BMPR2: variants seen among roughly 807,000 people sequenced by gnomAD.
BMPR2 encodes the protein bone morphogenetic protein receptor type 2.
BMPR2 carries 29 observed loss-of-function variants against 100.8 expected under a neutral mutation model. That is an observed-to-expected ratio of 0.29 (90% CI 0.21 to 0.39). The LOEUF is 0.39. BMPR2 is among the 10% of genes least tolerant of loss of function. The pLI is 1.00. For synonymous variants in BMPR2, 382 were observed against 442.3 expected (o/e 0.86, Z 1.71); for missense variants, 1,011 against 1,274.5 (o/e 0.79, Z 3.15).
chr2:202,477,128 C>G (rs1692566707), intron 3 of BMPR2, among the ~76,000 whole-genome samples: 1 of 152,126 alleles, frequency 6.6e-6, no homozygotes, highest in African/African-American at 2.4e-5. Flanking sequence ...CTCTGTGCAT[C>G]AATTACTTCA....
intron 1 of BMPR2, among the ~76,000 whole-genome samples, chr2:202,439,679 T>A (rs1221053771): frequency 6.7e-6 from 1 of 150,178 alleles, no homozygotes. Flanking sequence ...TCGTTCCTGA[T>A]CTTCGAAGGA....
At chr2:202,411,046 T>C (rs1299413940) in intron 1 of BMPR2, among the ~76,000 whole-genome samples, 2 of 152,176 alleles carry the variant, frequency 1.3e-5, no homozygotes, top group African/African-American at 4.8e-5. Context: ...GCGATCTCCA[T>C]GGCAGGTTCT....
chr2:202,521,843 A>T (rs1687823990), intron 7 of BMPR2, among the ~76,000 whole-genome samples: 2 of 152,166 alleles, frequency 1.3e-5, no homozygotes, highest in African/African-American at 4.8e-5. Context: ...AAAGAAAAAA[A>T]TATAACAGGA....
intron 3 of BMPR2, among the ~76,000 whole-genome samples, chr2:202,474,492 A>G (rs1045824449): frequency 3.9e-5 from 6 of 152,086 alleles, no homozygotes; most frequent in Non-Finnish European, 8.8e-5. Context: ...AAAACAAAAA[A>G]GTGGGTAGTG....
chr2:202,556,312 G>A lies in BMPR2; in HGVS notation c.2647G>A (p.Val883Ile). Residue 883 changes from valine (V) to isoleucine (I), a missense_variant, in exon 12 of 13, where the codon GTT (valine) becomes ATT (isoleucine). Physicochemically the swap from Val to Ile is conservative, Grantham distance 29. Around this residue, in one of 6 missense-constraint regions of BMPR2, gnomAD observed 508 missense variants for 552.0 expected, o/e 0.92. Coordinates refer to ENST00000374580, the MANE Select transcript of BMPR2 (RefSeq NM_001204.7). Reference sequence around the variant, plus strand: ...GCAACAAGCTGGCCATGATGAAGGTGTTCTGGATCGTCTTGTGGACAGGAG... The same window carrying A: ...GCAACAAGCTGGCCATGATGAAGGTATTCTGGATCGTCTTGTGGACAGGAG... ...REQQAGHDEGVLDRLVDRRER... is the reference protein window; with the variant it reads ...REQQAGHDEGILDRLVDRRER... The A allele has an allele frequency of 1.2e-6, 2 of 1,614,228 alleles. No individual in the cohort carries two copies. Among genetic ancestry groups the A allele is most frequent in the Admixed American group, 1.7e-5 (1 of 60,032 alleles).
intron 3 of BMPR2, among the ~76,000 whole-genome samples, chr2:202,469,205 T>C (rs1466342323): frequency 2.0e-5 from 3 of 151,982 alleles, no homozygotes; most frequent in African/African-American, 7.2e-5. Context: ...ATTTTGTATT[T>C]TTAGTAGAGA....
chr2:202,385,790 A>G (rs911944721), intron 1 of BMPR2, among the ~76,000 whole-genome samples: 18 of 151,446 alleles, frequency 1.2e-4, no homozygotes, highest in African/African-American at 4.4e-4. Flanking sequence ...TCATTTTTTC[A>G]TAATTGTGTG....
At chr2:202,515,027 G>C (rs1410481427) in intron 5 of BMPR2, 48 bp downstream of exon 5, 1 of 1,468,462 alleles carries the variant, frequency 6.8e-7, no homozygotes, top group African/African-American at 1.4e-5. Context: ...TGTGATACTA[G>C]ACCTGGAACA....
chr2:202,525,144 T>A (rs1357672810), intron 7 of BMPR2, among the ~76,000 whole-genome samples: 2 of 152,170 alleles, frequency 1.3e-5, no homozygotes, highest in Non-Finnish European at 2.9e-5. Flanking sequence ...TCATTAATTT[T>A]TTTAATTTTT....
At chr2:202,439,761 T>A (rs545114342) in intron 1 of BMPR2, among the ~76,000 whole-genome samples, 4 of 149,240 alleles carry the variant, frequency 2.7e-5, no homozygotes, top group Admixed American at 1.3e-4. Context: ...TCTTTTTTTT[T>A]AGTATTTATT....
rs1192299984 is a variant in BMPR2, at chr2:202,532,779, A to G, written c.1276+47A>G. 2 of 1,587,556 alleles carry G rather than the reference A, an allele frequency of 1.3e-6. No individual in the cohort carries two copies. The highest frequency in any genetic ancestry group is 1.7e-5 in the Admixed American group (1 of 59,898). ...TGATATTTTTTGAAGTGAAGCAGTT[A>G]TATCTTCTTTCTCTACCTATAGTAC... On this transcript the variant is annotated intron_variant, in intron 9 of 12. Transcript: ENST00000374580. The surrounding 1 kb of genome is among the most constrained non-coding windows in gnomAD (Gnocchi z 4.1).
At chr2:202,485,221 T>C (rs551465179) in intron 3 of BMPR2, among the ~76,000 whole-genome samples, 1 of 152,208 alleles carries the variant, frequency 6.6e-6, no homozygotes, top group South Asian at 2.1e-4. Context: ...TGTTTAGTGA[T>C]CCTAAGTATG....
At chr2:202,417,495 G>A (rs1691158834) in intron 1 of BMPR2, among the ~76,000 whole-genome samples, 1 of 151,854 alleles carries the variant, frequency 6.6e-6, no homozygotes, top group African/African-American at 2.4e-5. Flanking sequence ...TAGAGACAGG[G>A]TTTCTCCATG....
chr2:202,552,619 G>GT (rs1340756866), intron 10 of BMPR2, 97 bp from the exon 11 acceptor site: 8 of 1,254,222 alleles, frequency 6.4e-6, no homozygotes, highest in Non-Finnish European at 9.2e-6. Flanking sequence ...ACTGGTTAAG[G>GT]TAATTGATTT....
chr2:202,433,146 G>A (rs1253608150), intron 1 of BMPR2, among the ~76,000 whole-genome samples: 2 of 150,502 alleles, frequency 1.3e-5, no homozygotes, highest in Non-Finnish European at 2.9e-5. Flanking sequence ...TAGATCTAGA[G>A]GCAAGCATGC....
At chr2:202,486,050 T>C (rs1489542416) in intron 3 of BMPR2, among the ~76,000 whole-genome samples, 7 of 152,088 alleles carry the variant, frequency 4.6e-5, no homozygotes, top group African/African-American at 1.7e-4. Flanking sequence ...TTAAAGTTCC[T>C]GGTCTACACT....
chr2:202,381,390 G>T (rs1336011594), intron 1 of BMPR2, among the ~76,000 whole-genome samples: 4 of 152,122 alleles, frequency 2.6e-5, no homozygotes. Context: ...TCTTTCTGGG[G>T]TCCAGGCTAG....
Position 202,561,665 on chromosome 2 carries a change from T to A in BMPR2, c.*1719T>A, listed in dbSNP as rs974378079. On this transcript the variant is annotated 3_prime_UTR_variant, in exon 13 of 13. Coordinates refer to ENST00000374580, the MANE Select transcript of BMPR2 (RefSeq NM_001204.7). Reference sequence around the variant, plus strand: ...CACAAATCACCAAATTTCTGATTTATGTTTTTATCTCCTGAACAATATTTT... The same window carrying A: ...CACAAATCACCAAATTTCTGATTTAAGTTTTTATCTCCTGAACAATATTTT... 1 of 152,196 alleles carries A rather than the reference T, an allele frequency of 6.6e-6. No individual in the cohort carries two copies. The highest frequency in any genetic ancestry group is 2.4e-5 in the African/African-American group (1 of 41,462). 9.4% of individuals were successfully genotyped at this position (152,196 alleles called of 1,614,324 possible).
rs1688565222 is a variant in BMPR2 at position 202,556,065 on chromosome 2, T to C, written c.2400T>C (p.His800=). 2 of 1,614,202 alleles carry C rather than the reference T, an allele frequency of 1.2e-6. No homozygotes were observed. Among genetic ancestry groups the C allele is most frequent in the African/African-American group, 2.7e-5 (2 of 75,050 alleles). The part of the protein sequence containing the change: ...KMNTINAAEP[H]VVTVTMNGVA... ...ATACAATCAATGCAGCAGAACCTCA[T>C]GTGGTGACAGTCACCATGAATGGTG... Residue 800 remains histidine (H), a synonymous_variant, in exon 12 of 13, where the codon CAT becomes CAC. Coordinates refer to ENST00000374580, the MANE Select transcript of BMPR2 (RefSeq NM_001204.7).
Sources: allele counts gnomAD v4.1 joint callset (sites outside exome capture counted in the v4.1 genomes callset), GRCh38; gene constraint gnomAD v4.1.1; regional missense constraint gnomAD v4.1.1; non-coding constraint Gnocchi (gnomAD v3.1); transcripts MANE v1.5; gene names NCBI Gene and HGNC (gene_info 2026-07-23, HGNC 2026-07-21).